SLC46A1: variants seen among roughly 807,000 people sequenced by gnomAD.
SLC46A1 encodes the protein proton-coupled folate transporter.
SLC46A1 carries 17 observed loss-of-function variants against 32.1 expected under a neutral mutation model. The ratio of observed to expected loss-of-function variants is 0.53; its 90% confidence interval spans 0.36 to 0.79. SLC46A1 has a LOEUF of 0.79. SLC46A1 is among the 30% of genes least tolerant of loss of function. SLC46A1 has a pLI of 0.00. For missense variants in SLC46A1, 517 were observed against 588.2 expected (o/e 0.88, Z 1.25); for synonymous variants, 240 against 262.7 (o/e 0.91, Z 0.84).
At chr17:28,406,299 T>C (rs1473273248), upstream of SLC46A1, 1 of 446,850 alleles carries the variant, frequency 2.2e-6, no homozygotes, top group Non-Finnish European at 3.7e-6. The surrounding 1 kb of genome is among the most constrained non-coding windows in gnomAD (Gnocchi z 4.5). Context: ...CGGGTGCACC[T>C]GGCTGGGCGT....
rs1265452171 is a variant in SLC46A1, at chr17:28,396,106, G to A, written c.*3550C>T. 1 of 1,613,572 alleles carries A rather than the reference G, an allele frequency of 6.2e-7. No individual in the cohort carries two copies. Among genetic ancestry groups the A allele is most frequent in the Non-Finnish European group, 8.5e-7 (1 of 1,179,734 alleles). On this transcript the variant is annotated 3_prime_UTR_variant, in exon 5 of 5. Transcript: ENST00000612814. ...CAGAGTGTGGGCAAACAGCTGACTA[G>A]CAGCTCCCTCTGCCCAGCTGTCTGA...
At chr17:28,403,432 T>C (rs1192157670) in intron 2 of SLC46A1, 2 of 152,310 alleles carry the variant, frequency 1.3e-5, no homozygotes, top group Non-Finnish European at 2.9e-5. Context: ...AACTGCAAAC[T>C]CCTACAGGAC....
Position 28,396,178 on chromosome 17 carries a change from G to A in SLC46A1, c.*3478C>T. The A allele has an allele frequency of 6.2e-7, 1 of 1,613,930 alleles. No homozygotes were observed. Among genetic ancestry groups the A allele is most frequent in the Non-Finnish European group, 8.5e-7 (1 of 1,179,856 alleles). On this transcript the variant is annotated 3_prime_UTR_variant, in exon 5 of 5. Transcript: ENST00000612814. ...ACAGGTGGTCCCACGAATACCAGGA[G>A]GCCACCATTGAGAAGATCATCCGCT... is the stretch of plus-strand genomic sequence containing the variant.
chr17:28,395,747 T>C lies in SLC46A1; in HGVS notation c.*3909A>G. On this transcript the variant is annotated 3_prime_UTR_variant, in exon 5 of 5. Coordinates refer to ENST00000612814, the MANE Select transcript of SLC46A1 (RefSeq NM_080669.6). ...CAAAGGAAAAATATTTATTTTTTAT[T>C]ACACTACAAGGGTTAAGGTAGACAT... 1.4e-6 allele frequency: 1 copy of C among 698,844 alleles called. No individual in the cohort carries two copies. The highest frequency in any genetic ancestry group is 2.4e-6 in the Non-Finnish European group (1 of 417,114). 43.3% of individuals were successfully genotyped at this position (698,844 alleles called of 1,614,324 possible). A position where few individuals can be genotyped will look rare whatever the true frequency, so the allele number is the denominator to read the frequency against.
At position 28,397,899 on chromosome 17, in the gene SLC46A1, TCCTA is replaced by T. The variant is rs2068150051; in HGVS notation, c.*1753_*1756del. Reference sequence around the variant, plus strand: ...CTCTTGGCTGTGCTGGCCAGGTGACTCCTAGTTCTTGGCCACATCATCAGAAAGT... The same window carrying T: ...CTCTTGGCTGTGCTGGCCAGGTGACTGTTCTTGGCCACATCATCAGAAAGT... On this transcript the variant is annotated 3_prime_UTR_variant, in exon 5 of 5. Coordinates refer to ENST00000612814, the MANE Select transcript of SLC46A1 (RefSeq NM_080669.6). 1 of 152,620 alleles carries T rather than the reference TCCTA, an allele frequency of 6.6e-6. No homozygotes were observed. Among genetic ancestry groups the T allele is most frequent in the Non-Finnish European group, 1.5e-5 (1 of 68,358 alleles). 9.5% of individuals were successfully genotyped at this position (152,620 alleles called of 1,614,324 possible). A position where few individuals can be genotyped will look rare whatever the true frequency, so the allele number is the denominator to read the frequency against.
rs1555589111 is a variant in SLC46A1, at chr17:28,399,721, A to G, written c.1323-8T>C. On this transcript the variant is annotated splice_polypyrimidine_tract_variant and splice_region_variant and intron_variant, in intron 4 of 4. Coordinates refer to ENST00000612814, the MANE Select transcript of SLC46A1 (RefSeq NM_080669.6). ...TCAGCCTTTTCCAGCATCCTGTGAGAGACCAGAGAGAGAGTTTGGATTTCA... is the reference window on the plus strand; with the variant it reads ...TCAGCCTTTTCCAGCATCCTGTGAGGGACCAGAGAGAGAGTTTGGATTTCA... The G allele has an allele frequency of 6.2e-7, 1 of 1,613,846 alleles. No homozygotes were observed. The highest frequency in any genetic ancestry group is 1.1e-5 in the South Asian group (1 of 91,062).
Position 28,399,581 on chromosome 17 carries a change from G to T in SLC46A1, c.*75C>A. On this transcript the variant is annotated 3_prime_UTR_variant, in exon 5 of 5. Coordinates refer to ENST00000612814, the MANE Select transcript of SLC46A1 (RefSeq NM_080669.6). ...AGTTGCTTGTCCTGCTGTGGGCTGG[G>T]CTTCCAGCTGCAGACCTCCAGTTGC... The T allele has an allele frequency of 6.7e-7, 1 of 1,494,378 alleles. No individual in the cohort carries two copies. The highest frequency in any genetic ancestry group is 9.3e-7 in the Non-Finnish European group (1 of 1,074,092). 92.6% of individuals were successfully genotyped at this position (1,494,378 alleles called of 1,614,324 possible). A position where few individuals can be genotyped will look rare whatever the true frequency, so the allele number is the denominator to read the frequency against.
Position 28,399,149 on chromosome 17 carries a change from G to A in SLC46A1, c.*507C>T. On this transcript the variant is annotated 3_prime_UTR_variant, in exon 5 of 5. Coordinates refer to ENST00000612814, the MANE Select transcript of SLC46A1 (RefSeq NM_080669.6). Reference sequence around the variant, plus strand: ...GCAAAGGCAACACTCTTCCTCCAGAGATCACCAAGCCCCTCTTACCTCCCT... The same window carrying A: ...GCAAAGGCAACACTCTTCCTCCAGAAATCACCAAGCCCCTCTTACCTCCCT... 1 of 158,258 alleles carries A rather than the reference G, an allele frequency of 6.3e-6. No homozygotes were observed. The highest frequency in any genetic ancestry group is 1.9e-4 in the South Asian group (1 of 5,286). The allele number at this position is 158,258 out of a possible 1,614,324, so 9.8% of individuals were successfully genotyped here. A position where few individuals can be genotyped will look rare whatever the true frequency, so the allele number is the denominator to read the frequency against.
Position 28,394,838 on chromosome 17 carries a change from T to G in SLC46A1, c.*4818A>C, listed in dbSNP as rs1555587412. ...TTCCACAGGCAAAGAGAGAGGAATT[T>G]TAGCAGGATTACAACATTTTCCATA... On this transcript the variant is annotated 3_prime_UTR_variant, in exon 5 of 5. Transcript: ENST00000612814. The G allele has an allele frequency of 6.6e-6, 1 of 152,208 alleles. No homozygotes were observed. Among genetic ancestry groups the G allele is most frequent in the Non-Finnish European group, 1.5e-5 (1 of 68,038 alleles). 9.4% of individuals were successfully genotyped at this position (152,208 alleles called of 1,614,324 possible).
rs1555588949 is a variant in SLC46A1, at chr17:28,399,345, C to T, written c.*311G>A. 2 of 342,238 alleles carry T rather than the reference C, an allele frequency of 5.8e-6. No individual in the cohort carries two copies. The highest frequency in any genetic ancestry group is 1.1e-5 in the Non-Finnish European group (2 of 181,816). 21.2% of individuals were successfully genotyped at this position (342,238 alleles called of 1,614,324 possible). On this transcript the variant is annotated 3_prime_UTR_variant, in exon 5 of 5. Transcript: ENST00000612814. Reference sequence around the variant, plus strand: ...CCTGAAGTGTCACCTCTCTCAGGACCTCTCCTCTGGCCTGTGGGGTTATAA... The same window carrying T: ...CCTGAAGTGTCACCTCTCTCAGGACTTCTCCTCTGGCCTGTGGGGTTATAA...
chr17:28,394,959 C>T lies in SLC46A1; in HGVS notation c.*4697G>A, dbSNP rs1275841933. 1 of 151,624 alleles carries T rather than the reference C, an allele frequency of 6.6e-6. No individual in the cohort carries two copies. The highest frequency in any genetic ancestry group is 1.5e-5 in the Non-Finnish European group (1 of 67,968). 9.4% of individuals were successfully genotyped at this position (151,624 alleles called of 1,614,324 possible). Reference sequence around the variant, plus strand: ...TTACCCCCTGAGAAAGGGTGGTGATCTAAGTGGGGATCTAAGGGAGTCTTA... The same window carrying T: ...TTACCCCCTGAGAAAGGGTGGTGATTTAAGTGGGGATCTAAGGGAGTCTTA... On this transcript the variant is annotated 3_prime_UTR_variant, in exon 5 of 5. Coordinates refer to ENST00000612814, the MANE Select transcript of SLC46A1 (RefSeq NM_080669.6).
upstream of SLC46A1, chr17:28,406,438 A>C (rs1262819261): frequency 6.4e-6 from 2 of 313,418 alleles, no homozygotes; most frequent in Non-Finnish European, 1.2e-5. The surrounding 1 kb of genome is among the most constrained non-coding windows in gnomAD (Gnocchi z 4.5). Context: ...TCAACAATTA[A>C]CATGTATTGA....
chr17:28,400,537 G>C, intron 4 of SLC46A1, 73 bp downstream of exon 4: 2 of 1,572,576 alleles, frequency 1.3e-6, no homozygotes, highest in Non-Finnish European at 1.7e-6. Context: ...TGCCATTTCT[G>C]GTTGGGAGGA....
In SLC46A1 at chr17:28,396,355, G is replaced by A; in HGVS notation, c.*3301C>T. ...CGTCCTTTCTGAAGGAACAGCTCCT[G>A]AAACCAGTCTCCCTGGGCTGAGACA... On this transcript the variant is annotated 3_prime_UTR_variant, in exon 5 of 5. Transcript: ENST00000612814. 6.3e-7 allele frequency: 1 copy of A among 1,589,622 alleles called. No homozygotes were observed. The highest frequency in any genetic ancestry group is 8.6e-7 in the Non-Finnish European group (1 of 1,162,574).
chr17:28,401,138 T>G (rs2068193051), intron 3 of SLC46A1: 1 of 332,938 alleles, frequency 3.0e-6, no homozygotes, highest in Non-Finnish European at 5.8e-6. Flanking sequence ...GATTAACTGC[T>G]GGTCTGATCA....
intron 1 of SLC46A1, 150 bp from the exon 2 acceptor site, chr17:28,405,618 G>T: frequency 8.1e-7 from 1 of 1,235,864 alleles, no homozygotes; most frequent in Non-Finnish European, 1.1e-6. Context: ...ATCTGCCAGT[G>T]GAGAGGGGGA....
At chr17:28,404,558 C>A in intron 2 of SLC46A1, 58 bp downstream of exon 2, 1 of 1,597,396 alleles carries the variant, frequency 6.3e-7, no homozygotes. Flanking sequence ...GAGTGGCCGG[C>A]CCCCAGTTCT....
intron 1 of SLC46A1, 165 bp downstream of exon 1, chr17:28,405,722 G>A: frequency 1.0e-6 from 1 of 974,132 alleles, no homozygotes; most frequent in Non-Finnish European, 1.5e-6. Flanking sequence ...CATCCCACCC[G>A]CTGAGGTTCT....
intron 3 of SLC46A1, chr17:28,401,314 T>G (rs1392943764): frequency 2.4e-5 from 4 of 163,340 alleles, no homozygotes; most frequent in Non-Finnish European, 5.4e-5. Flanking sequence ...AAGTAGCTAG[T>G]TAGTAAGGGC....
Sources: allele counts gnomAD v4.1 joint callset, GRCh38; gene constraint gnomAD v4.1.1; non-coding constraint Gnocchi (gnomAD v3.1); transcripts MANE v1.5; gene names NCBI Gene and HGNC (gene_info 2026-07-23, HGNC 2026-07-21).